Variants in TTLL5 observed in about 807,000 individuals in gnomAD.
TTLL5 encodes the protein tubulin polyglutamylase TTLL5.
TTLL5 carries 132 observed loss-of-function variants against 168.4 expected under a neutral mutation model. That is an observed-to-expected ratio of 0.78 (90% CI 0.68 to 0.91). TTLL5 has a LOEUF of 0.91. Ranked by LOEUF, TTLL5 falls within the 40% of genes least tolerant of loss-of-function variation. The probability of loss-of-function intolerance (pLI) is 0.00; values close to 1 mark genes in which losing one functional copy is unlikely to be tolerated. For synonymous variants in TTLL5, 546 were observed against 558.6 expected (o/e 0.98, Z 0.32); for missense variants, 1,545 against 1,581.5 (o/e 0.98, Z 0.39).
At chr14:75,882,596 C>T in intron 29 of TTLL5, 89 bp from the exon 30 acceptor site, 4 of 1,197,714 alleles carry the variant, frequency 3.3e-6, no homozygotes, top group East Asian at 2.4e-5. Flanking sequence ...TTCTTTTTGC[C>T]CCTTGACAGG....
intron 7 of TTLL5, among the ~76,000 whole-genome samples, chr14:75,701,906 C>A (rs1251144367): frequency 6.6e-6 from 1 of 152,120 alleles, no homozygotes; most frequent in Non-Finnish European, 1.5e-5. Context: ...TGAAAATATT[C>A]TTTCTGTCCT....
intron 9 of TTLL5, 88 bp from the exon 10 acceptor site, chr14:75,717,773 C>T: frequency 8.0e-7 from 1 of 1,251,876 alleles, no homozygotes; most frequent in Non-Finnish European, 1.1e-6. Context: ...TATTACCCTC[C>T]TTTATTATTA....
chr14:75,694,042 T>C (rs1405742878), intron 6 of TTLL5, among the ~76,000 whole-genome samples: 1 of 152,194 alleles, frequency 6.6e-6, no homozygotes, highest in African/African-American at 2.4e-5. Flanking sequence ...TTCATTGCTG[T>C]TTCTGTTAGA....
At chr14:75,662,317 G>A (rs1890786302) in intron 1 of TTLL5, among the ~76,000 whole-genome samples, 1 of 151,212 alleles carries the variant, frequency 6.6e-6, no homozygotes, top group African/African-American at 2.4e-5. Context: ...ATGTTGGCAG[G>A]GGTTTTTTGT....
At chr14:75,762,057 T>C (rs970405182) in intron 18 of TTLL5, among the ~76,000 whole-genome samples, 1 of 152,152 alleles carries the variant, frequency 6.6e-6, no homozygotes, top group African/African-American at 2.4e-5. Context: ...GGTATATGGT[T>C]GTTCACTGTA....
intron 17 of TTLL5, among the ~76,000 whole-genome samples, chr14:75,750,685 C>CA (rs1313420873): frequency 1.3e-5 from 2 of 151,782 alleles, no homozygotes; most frequent in Non-Finnish European, 2.9e-5. Flanking sequence ...GACTCTGTGG[C>CA]AGGGCCAGTG....
At chr14:75,737,229 C>T (rs1888967299) in intron 15 of TTLL5, among the ~76,000 whole-genome samples, 1 of 152,174 alleles carries the variant, frequency 6.6e-6, no homozygotes, top group South Asian at 2.1e-4. Flanking sequence ...GCCTACAGGA[C>T]ACTTACATAA....
At position 75,916,904 on chromosome 14, in the gene TTLL5, G is replaced by A. The variant is rs574400575; in HGVS notation, c.3823+14680G>A. Among the ~76,000 whole-genome samples, 14 of 152,304 alleles carry A rather than the reference G, an allele frequency of 9.2e-5. 1 individual carries two copies. Among genetic ancestry groups the A allele is most frequent in the South Asian group, 4.1e-4 (2 of 4,830 alleles). ...AGCTACAGCATGGAACTTTCAGGAC[G>A]TTATGCTAAGTGAAATGAGCCAATC... is the stretch of plus-strand genomic sequence containing the variant. On this transcript the variant is annotated intron_variant, in intron 31 of 31. Transcript: ENST00000298832.
At chr14:75,758,564 G>A (rs1185628552) in intron 18 of TTLL5, among the ~76,000 whole-genome samples, 1 of 152,032 alleles carries the variant, frequency 6.6e-6, no homozygotes, top group Admixed American at 6.5e-5. Flanking sequence ...TCATTTTTTG[G>A]CACTCATTTT....
At chr14:75,673,533 A>G (rs925187366) in intron 3 of TTLL5, among the ~76,000 whole-genome samples, 3 of 151,904 alleles carry the variant, frequency 2.0e-5, no homozygotes, top group Non-Finnish European at 4.4e-5. Flanking sequence ...AGTGACTTAG[A>G]CTCTTTTAAC....
intron 26 of TTLL5, among the ~76,000 whole-genome samples, chr14:75,784,534 ATGC>A (rs1267873840): frequency 6.6e-6 from 1 of 152,242 alleles, no homozygotes; most frequent in African/African-American, 2.4e-5. Context: ...ATTATGAATA[ATGC>A]TGCTATGAAC....
At chr14:75,742,418 A>G (rs527872987) in intron 15 of TTLL5, among the ~76,000 whole-genome samples, 1 of 152,148 alleles carries the variant, frequency 6.6e-6, no homozygotes, top group Admixed American at 6.5e-5. Context: ...TTTTTGAGAC[A>G]GAGTTTTGCT....
At chr14:75,676,499 G>A (rs1454278210) in intron 3 of TTLL5, among the ~76,000 whole-genome samples, 1 of 152,138 alleles carries the variant, frequency 6.6e-6, no homozygotes, top group Non-Finnish European at 1.5e-5. Context: ...CACACAGAGG[G>A]CTACCGGACA....
intron 28 of TTLL5, among the ~76,000 whole-genome samples, chr14:75,850,915 T>C (rs887031948): frequency 2.0e-5 from 3 of 151,840 alleles, no homozygotes; most frequent in Admixed American, 2.0e-4. Flanking sequence ...GGCAACGTAG[T>C]GAGACCTCAT....
At position 75,764,665 on chromosome 14, in the gene TTLL5, A is replaced by G; in HGVS notation, c.1601A>G (p.Lys534Arg). The G allele has an allele frequency of 6.2e-7, 1 of 1,614,158 alleles. No homozygotes were observed. Residue 534 changes from lysine to arginine, a missense_variant, in exon 19 of 32, where the codon AAG (lysine) becomes AGG (arginine). By Grantham distance (26) the Lys-to-Arg change is conservative (BLOSUM62 2). Transcript: ENST00000298832. Reference sequence around the variant, plus strand: ...TTGAAGATAGAGAGTCTGAATTCAAAGGCCAAGCTGCATGCTGCACTTTAC... The same window carrying G: ...TTGAAGATAGAGAGTCTGAATTCAAGGGCCAAGCTGCATGCTGCACTTTAC... Reference protein sequence around the residue: ...PELKIESLNSKAKLHAALYER... With the variant: ...PELKIESLNSRAKLHAALYER...
intron 31 of TTLL5, among the ~76,000 whole-genome samples, chr14:75,926,082 C>T (rs1595282511): frequency 1.5e-5 from 2 of 133,140 alleles, no homozygotes. Context: ...GGCCGTGGGC[C>T]GTGGGGAGAG....
At chr14:75,667,788 G>A (rs944544177) in intron 2 of TTLL5, among the ~76,000 whole-genome samples, 4 of 140,944 alleles carry the variant, frequency 2.8e-5, no homozygotes, top group Non-Finnish European at 6.1e-5. Context: ...TTGAGACGGA[G>A]TCTTGCTCTG....
intron 31 of TTLL5, among the ~76,000 whole-genome samples, chr14:75,909,354 T>C (rs1053503856): frequency 1.9e-4 from 29 of 148,978 alleles, no homozygotes; most frequent in Non-Finnish European, 4.0e-4. Flanking sequence ...TGGAATTATC[T>C]AAACTAGCCA....
At position 75,744,397 on chromosome 14, in the gene TTLL5, G is replaced by A. The variant is rs574340150; in HGVS notation, c.1282-698G>A. On this transcript the variant is annotated intron_variant, in intron 15 of 31. Transcript: ENST00000298832. ...TTCAGATGACCTCCCTCATCATCAT[G>A]TAGAAGCTGAAATAGCCAAGATCCT... 3.9e-5 allele frequency: 6 copies of A among 152,252 alleles called. No individual in the cohort carries two copies. In the East Asian group the frequency reaches 1.2e-3, roughly 29 times the overall value. The allele number at this position is 152,252 out of a possible 1,614,324, so 9.4% of individuals were successfully genotyped here.
Sources: allele counts gnomAD v4.1 joint callset (sites outside exome capture counted in the v4.1 genomes callset), GRCh38; gene constraint gnomAD v4.1.1; transcripts MANE v1.5; gene names NCBI Gene and HGNC (gene_info 2026-07-23, HGNC 2026-07-21).